Variants in DGKB observed in about 807,000 individuals in gnomAD.
The protein encoded by DGKB is 90 kDa diacylglycerol kinase.
In DGKB, 67 loss-of-function variants were observed where a neutral mutation model predicts 114.3. The observed-to-expected ratio is 0.59, with a 90% CI of 0.48 to 0.72. DGKB has a LOEUF of 0.72. DGKB is among the 30% of genes least tolerant of loss of function. The pLI is 0.00. For synonymous variants in DGKB, 398 were observed against 323.1 expected, an observed-to-expected ratio of 1.23 and a Z score of -2.49; for missense variants, 907 against 975.2, an observed-to-expected ratio of 0.93 and a Z score of 0.93.
chr7:14,372,238 C>T (rs1390200168), intron 21 of DGKB, among the ~76,000 whole-genome samples: 4 of 152,278 alleles, frequency 2.6e-5, no homozygotes, highest in East Asian at 3.9e-4. Flanking sequence ...GATGCTACCA[C>T]GGGAGCTGTC....
chr7:14,370,063 G>A (rs919283351), intron 21 of DGKB, among the ~76,000 whole-genome samples: 8 of 152,052 alleles, frequency 5.3e-5, no homozygotes, highest in Non-Finnish European at 7.4e-5. Context: ...TTTCTTCTAG[G>A]GCTTTTATGG....
chr7:14,175,974 T>C (rs902221327), intron 25 of DGKB: 1 of 150,646 alleles, frequency 6.6e-6, no homozygotes, highest in African/African-American at 2.4e-5. Context: ...CCAGCTAAGT[T>C]TTTTTTTTAT....
At chr7:14,930,345 C>A (rs1319449449) in intron 1 of DGKB, among the ~76,000 whole-genome samples, 1 of 152,156 alleles carries the variant, frequency 6.6e-6, no homozygotes, top group East Asian at 1.9e-4. Flanking sequence ...AATTCATAAG[C>A]ATGGGATGTT....
At chr7:14,616,225 T>C (rs529431432) in intron 15 of DGKB, among the ~76,000 whole-genome samples, 1 of 147,484 alleles carries the variant, frequency 6.8e-6, no homozygotes, top group South Asian at 2.1e-4. Flanking sequence ...TATACATATA[T>C]ACATATATAT....
upstream of DGKB, among the ~76,000 whole-genome samples, chr7:14,904,818 G>A (rs552160854): frequency 3.9e-5 from 6 of 152,196 alleles, no homozygotes; most frequent in South Asian, 6.2e-4. Flanking sequence ...TTAACAGTCT[G>A]AAGAGTACCT....
At chr7:14,615,554 G>C (rs972786932) in intron 15 of DGKB, among the ~76,000 whole-genome samples, 1 of 151,664 alleles carries the variant, frequency 6.6e-6, no homozygotes, top group Non-Finnish European at 1.5e-5. Flanking sequence ...AATTTTTAGG[G>C]GTAGTTAAAT....
chr7:14,653,792 T>C (rs987564589), intron 13 of DGKB, among the ~76,000 whole-genome samples: 20 of 152,020 alleles, frequency 1.3e-4, no homozygotes, highest in Non-Finnish European at 2.9e-5. Flanking sequence ...ATCATCATAA[T>C]AGAAACCAAA....
chr7:14,218,098 A>G (rs937847820), intron 23 of DGKB, among the ~76,000 whole-genome samples: 1 of 152,134 alleles, frequency 6.6e-6, no homozygotes, highest in Non-Finnish European at 1.5e-5. Flanking sequence ...CATGTCCCAG[A>G]TGAAACTTCG....
At chr7:14,472,847 G>A (rs901707590) in intron 21 of DGKB, among the ~76,000 whole-genome samples, 2 of 152,094 alleles carry the variant, frequency 1.3e-5, no homozygotes, top group Admixed American at 6.6e-5. Context: ...CTAGAGATTT[G>A]TGGAACTCAA....
At chr7:14,743,556 G>C (rs551352948) in intron 4 of DGKB, among the ~76,000 whole-genome samples, 46 of 152,252 alleles carry the variant, frequency 3.0e-4, no homozygotes, top group Middle Eastern at 6.8e-3. Flanking sequence ...AGAGCATCTA[G>C]AAGAAGAGAG....
chr7:14,464,792 C>A (rs1833587635), intron 21 of DGKB, among the ~76,000 whole-genome samples: 1 of 152,178 alleles, frequency 6.6e-6, no homozygotes, highest in Admixed American at 6.5e-5. Context: ...CAAAGCCCAA[C>A]TCATTTTTAA....
chr7:14,950,066 C>CA (rs1236336885), intron 1 of DGKB, among the ~76,000 whole-genome samples: 18 of 151,546 alleles, frequency 1.2e-4, no homozygotes, highest in African/African-American at 4.4e-4. Context: ...CAAACCTGCA[C>CA]ATTGTGCACA....
chr7:14,926,082 T>A (rs1204130672), intron 1 of DGKB, among the ~76,000 whole-genome samples: 1 of 152,146 alleles, frequency 6.6e-6, no homozygotes, highest in African/African-American at 2.4e-5. Flanking sequence ...AATCCTAGTT[T>A]GCAGGGAGTT....
intron 23 of DGKB, among the ~76,000 whole-genome samples, chr7:14,251,830 T>C (rs1795285817): frequency 6.6e-6 from 1 of 152,174 alleles, no homozygotes; most frequent in South Asian, 2.1e-4. Context: ...TCACATCTCC[T>C]TTCCTGGCCT....
At chr7:14,804,394 T>A (rs1842553059) in intron 2 of DGKB, among the ~76,000 whole-genome samples, 1 of 152,090 alleles carries the variant, frequency 6.6e-6, no homozygotes, top group Admixed American at 6.6e-5. Context: ...ATTTATTTTC[T>A]ATGCTTATAT....
At chr7:14,466,761 T>C (rs1324630683) in intron 21 of DGKB, among the ~76,000 whole-genome samples, 1 of 151,980 alleles carries the variant, frequency 6.6e-6, no homozygotes, top group African/African-American at 2.4e-5. Flanking sequence ...GAGGTTGCAG[T>C]GAGCTGAGAT....
intron 17 of DGKB, among the ~76,000 whole-genome samples, chr7:14,605,991 T>C (rs549507425): frequency 9.4e-4 from 143 of 152,270 alleles, no homozygotes; most frequent in Non-Finnish European, 1.3e-3. Flanking sequence ...GCAGAGCCAA[T>C]TGACCTCTTG....
At chr7:14,906,650 A>C (rs1252053211), upstream of DGKB, among the ~76,000 whole-genome samples, 28 of 151,846 alleles carry the variant, frequency 1.8e-4, no homozygotes, top group Admixed American at 1.8e-3. Flanking sequence ...ACAGGGTTTC[A>C]CCATGTTGGT....
chr7:14,769,105 GAA>G (rs1562487227), intron 2 of DGKB, among the ~76,000 whole-genome samples: 5 of 110,240 alleles, frequency 4.5e-5, no homozygotes, highest in African/African-American at 1.1e-4. Flanking sequence ...AAGAAAGAAA[GAA>G]AGAAAGAAAG....
Sources: gnomAD v4.1 joint callset for allele counts (sites outside exome capture counted in the v4.1 genomes callset) on GRCh38, gnomAD v4.1.1 for gene constraint, MANE v1.5 for transcripts, NCBI Gene and HGNC (gene_info 2026-07-23, HGNC 2026-07-21) for gene names.